The following NPNT variants were observed in gnomAD, a reference collection of about 807,000 sequenced individuals.
NPNT encodes preosteoblast EGF-like repeat protein with MAM domain.
A neutral mutation model predicts 68.6 loss-of-function variants in NPNT; 45 were observed. The observed-to-expected ratio is 0.66, with a 90% CI of 0.52 to 0.84. The LOEUF (loss-of-function observed/expected upper bound fraction) is 0.84, where lower values mean the gene tolerates loss of function less well. Ranked by LOEUF, NPNT falls within the 40% of genes least tolerant of loss-of-function variation. NPNT has a pLI of 0.00. For missense variants in NPNT, 672 were observed against 714.8 expected (o/e 0.94, Z 0.68); for synonymous variants, 233 against 253.3 (o/e 0.92, Z 0.76).
At position 105,938,362 on chromosome 4, in the gene NPNT, A is replaced by G. The variant is rs1729660337; in HGVS notation, c.447A>G (p.Ile149Met). ...GCTGTGATGTTGTTAAAGGACAAAT[A>G]CGGTGCCAGTGCCCATCCCCTGGCC... ...QYGCDVVKGQ[I>M]RCQCPSPGLQ... The change falls in exon 5 of 12, where the codon ATA becomes ATG. Residue 149 changes from isoleucine to methionine, a missense_variant. Coordinates refer to ENST00000379987, the MANE Select transcript of NPNT (RefSeq NM_001033047.3). 1.2e-6 allele frequency: 2 copies of G among 1,613,738 alleles called. No individual in the cohort carries two copies. Among genetic ancestry groups the G allele is most frequent in the Non-Finnish European group, 1.7e-6 (2 of 1,179,770 alleles).
At chr4:105,896,414 C>A (rs935272071) in intron 1 of NPNT, among the ~76,000 whole-genome samples, 3 of 152,172 alleles carry the variant, frequency 2.0e-5, no homozygotes, top group African/African-American at 7.2e-5. Flanking sequence ...CGGGCCGCGT[C>A]TCCGCTGTCA....
chr4:105,929,506 G>A (rs1728949055), intron 3 of NPNT: 1 of 152,148 alleles, frequency 6.6e-6, no homozygotes, highest in South Asian at 2.1e-4. Context: ...AATAAGTGAT[G>A]CTCTTATTAT....
intron 2 of NPNT, among the ~76,000 whole-genome samples, chr4:105,915,144 C>T (rs28542670): frequency 0.071 from 10,790 of 152,096 alleles, 681 homozygotes; most frequent in African/African-American, 0.17. Flanking sequence ...TGCATTGCTG[C>T]GAGGAGTCTA....
intron 8 of NPNT, among the ~76,000 whole-genome samples, chr4:105,943,884 C>CCGAT (rs1730177041): frequency 6.6e-6 from 1 of 152,112 alleles, no homozygotes; most frequent in Admixed American, 6.6e-5. Flanking sequence ...CTGAGGCAGA[C>CCGAT]CGATCGCTTG....
chr4:105,940,422 CA>C (rs528189585), intron 6 of NPNT, 91 bp from the exon 7 acceptor site: 113 of 1,321,888 alleles, frequency 8.5e-5, no homozygotes, highest in Middle Eastern at 3.7e-4. Context: ...ATCACATTGC[CA>C]AAAAAAATCA....
In NPNT at chr4:105,959,096, T is replaced by C. The variant is rs1731477133; in HGVS notation, c.1315T>C (p.Leu439=). 1.2e-6 allele frequency: 2 copies of C among 1,613,316 alleles called. No homozygotes were observed. The highest frequency in any genetic ancestry group is 1.7e-6 in the Non-Finnish European group (2 of 1,179,308). ...CGWIREKDND[L]HWEPIRDPAG... ...ATGGATCAGGGAGAAAGACAATGAC[T>C]TGCACTGGGAACCAATCAGGGACCC... Residue 439 remains leucine, a synonymous_variant, in exon 10 of 12, where the codon TTG becomes CTG. Transcript: ENST00000379987.
intron 4 of NPNT, among the ~76,000 whole-genome samples, chr4:105,937,350 G>T (rs1729569592): frequency 6.6e-6 from 1 of 151,368 alleles, no homozygotes; most frequent in African/African-American, 2.4e-5. Flanking sequence ...ATTAGGAAAT[G>T]GTGTTTAGAA....
chr4:105,967,068 A>C, intron 10 of NPNT, 120 bp from the exon 11 acceptor site: 1 of 976,764 alleles, frequency 1.0e-6, no homozygotes, highest in East Asian at 2.6e-5. Flanking sequence ...TTCTTCTTCA[A>C]AAATCTGGAA....
At chr4:105,965,229 C>T (rs1247159249) in intron 10 of NPNT, among the ~76,000 whole-genome samples, 1 of 151,996 alleles carries the variant, frequency 6.6e-6, no homozygotes, top group Non-Finnish European at 1.5e-5. Flanking sequence ...GTACATTTAT[C>T]ACCAGAATTA....
chr4:105,909,280 G>C (rs1334032918), intron 2 of NPNT, among the ~76,000 whole-genome samples: 3 of 152,064 alleles, frequency 2.0e-5, no homozygotes, highest in Non-Finnish European at 4.4e-5. Context: ...GTTTGACATA[G>C]ATAATGGTGG....
chr4:105,960,377 G>A (rs998284081), intron 10 of NPNT, among the ~76,000 whole-genome samples: 2 of 152,188 alleles, frequency 1.3e-5, no homozygotes, highest in Non-Finnish European at 2.9e-5. Context: ...GAGCAGCTGA[G>A]GGCCTCATTA....
chr4:105,944,380 C>T (rs1172610839), intron 8 of NPNT, among the ~76,000 whole-genome samples: 9 of 152,022 alleles, frequency 5.9e-5, no homozygotes, highest in Non-Finnish European at 1.2e-4. Context: ...CTTAGGATAA[C>T]AGGGAAATTT....
intron 8 of NPNT, among the ~76,000 whole-genome samples, chr4:105,943,584 A>G (rs557169592): frequency 1.2e-4 from 18 of 152,298 alleles, no homozygotes; most frequent in Admixed American, 5.9e-4. Context: ...CAAGTTCTGA[A>G]GGAGGAAAAG....
At chr4:105,927,297 G>T in intron 2 of NPNT, 39 bp from the exon 3 acceptor site, 1 of 1,325,034 alleles carries the variant, frequency 7.5e-7, no homozygotes, top group Non-Finnish European at 1.1e-6. Context: ...TTGGTGTTTC[G>T]TTGACCTAGA....
At chr4:105,928,553 C>T (rs1421207170) in intron 3 of NPNT, among the ~76,000 whole-genome samples, 6 of 145,136 alleles carry the variant, frequency 4.1e-5, no homozygotes, top group South Asian at 2.2e-4. Flanking sequence ...GCGGATGTTG[C>T]GGTGAGCCAA....
intron 8 of NPNT, among the ~76,000 whole-genome samples, chr4:105,943,534 G>A (rs958457242): frequency 1.3e-5 from 2 of 152,172 alleles, no homozygotes; most frequent in Non-Finnish European, 2.9e-5. Context: ...TAGGTAAAGG[G>A]TAGCACCACC....
chr4:105,949,667 G>A (rs1449642160), intron 8 of NPNT, among the ~76,000 whole-genome samples: 1 of 152,084 alleles, frequency 6.6e-6, no homozygotes, highest in Admixed American at 6.5e-5. Context: ...AGGAAGTTAG[G>A]GGGACATGCT....
chr4:105,927,149 A>C (rs982027005), intron 2 of NPNT, 187 bp from the exon 3 acceptor site: 4 of 456,738 alleles, frequency 8.8e-6, no homozygotes, highest in Non-Finnish European at 1.6e-5. Flanking sequence ...ACACATATAC[A>C]TACATAACAC....
intron 2 of NPNT, among the ~76,000 whole-genome samples, chr4:105,914,513 TATTACCTGC>T (rs959809697): frequency 4.9e-5 from 7 of 142,882 alleles, no homozygotes; most frequent in Non-Finnish European, 1.1e-4. Context: ...GAGAGCCAGC[TATTACCTGC>T]ATGATCCAGG....
Sources: allele counts gnomAD v4.1 joint callset (sites outside exome capture counted in the v4.1 genomes callset), GRCh38; gene constraint gnomAD v4.1.1; transcripts MANE v1.5; gene names NCBI Gene and HGNC (gene_info 2026-07-23, HGNC 2026-07-21).